The following STPG2 variants were observed in gnomAD, a reference collection of about 807,000 sequenced individuals.
STPG2 encodes sperm-tail PG-rich repeat-containing protein 2.
Under a neutral mutation model 54.2 loss-of-function variants are expected in STPG2, and 56 were observed. The ratio of observed to expected loss-of-function variants is 1.03; its 90% CI spans 0.83 to 1.29. The LOEUF (loss-of-function observed/expected upper bound fraction) is 1.29, where lower values mean the gene tolerates loss of function less well. Among genes scored for constraint, STPG2 ranks in the 50% most tolerant of loss-of-function variants. The pLI, the probability that STPG2 is intolerant of heterozygous loss-of-function variation, is 0.00. For missense variants in STPG2, 596 were observed against 544.9 expected, an observed-to-expected ratio of 1.09 and a Z score of -0.93; for synonymous variants, 200 against 181.8, an observed-to-expected ratio of 1.10 and a Z score of -0.81.
chr4:97,522,857 T>G (rs1731210035), intron 4 of STPG2, among the ~76,000 whole-genome samples: 1 of 152,008 alleles, frequency 6.6e-6, no homozygotes, highest in East Asian at 1.9e-4. Context: ...ATTGAATAAC[T>G]TAAACAAATT....
chr4:97,943,826 A>G (rs1179788972), intron 8 of STPG2, 71 bp downstream of exon 8: 2 of 1,163,882 alleles, frequency 1.7e-6, no homozygotes, highest in Non-Finnish European at 2.4e-6. Context: ...TCCTAATATA[A>G]TGTTTATGTT....
In STPG2 at chr4:97,634,132, C is replaced by A. The variant is rs567912081; in HGVS notation, c.1321-75015G>T. The stretch of plus-strand genomic sequence containing the variant: ...AGAGAGCAGGGGTTCTCCCAGTACA[C>A]AGCTGGAGATCTGAGAACGGGCAGA... On this transcript the variant is annotated intron_variant, in intron 10 of 10. Coordinates refer to ENST00000295268, the MANE Select transcript of STPG2 (RefSeq NM_174952.3). Among the ~76,000 whole-genome samples, 629 of 152,320 alleles carry A rather than the reference C, an allele frequency of 4.1e-3. 3 individuals are homozygous for A. Among genetic ancestry groups the A allele is most frequent in the South Asian group, 0.02 (98 of 4,830 alleles).
intron 4 of STPG2, among the ~76,000 whole-genome samples, chr4:97,521,584 A>G (rs1248741989): frequency 6.6e-6 from 1 of 152,094 alleles, no homozygotes; most frequent in Non-Finnish European, 1.5e-5. Flanking sequence ...AATGATAATG[A>G]AGACCCATTA....
At chr4:98,123,840 G>C (rs1739753874) in intron 3 of STPG2, among the ~76,000 whole-genome samples, 1 of 152,156 alleles carries the variant, frequency 6.6e-6, no homozygotes. Flanking sequence ...AGGTCTCTAA[G>C]AACTTGCTTT....
chr4:97,451,839 T>C (rs563790513), intron 4 of STPG2, among the ~76,000 whole-genome samples: 3 of 152,176 alleles, frequency 2.0e-5, no homozygotes, highest in Non-Finnish European at 4.4e-5. Flanking sequence ...AAATTACTAA[T>C]AAAATATGCA....
At chr4:97,902,335 C>G (rs780058204) in intron 8 of STPG2, among the ~76,000 whole-genome samples, 6 of 151,936 alleles carry the variant, frequency 3.9e-5, no homozygotes, top group Non-Finnish European at 8.8e-5. Context: ...TTCTGCGCTG[C>G]AAAGGAGACA....
rs747820207 is a variant in STPG2, at chr4:98,128,527, C to T, written c.288G>A (p.Lys96=). The change falls in exon 3 of 11, where the codon AAG becomes AAA. Residue 96 remains lysine, a synonymous_variant. Transcript: ENST00000295268. ...VDVPSIPSCG[K]SYGYHINDDG... ...CATCATTAATATGATAACCATATGA[C>T]TTTCCACAAGAAGGAATTGAAGGAA... 3.1e-6 allele frequency: 5 copies of T among 1,612,830 alleles called. No homozygotes were observed. The highest frequency in any genetic ancestry group is 4.2e-6 in the Non-Finnish European group (5 of 1,179,692).
intron 9 of STPG2, among the ~76,000 whole-genome samples, chr4:97,828,701 G>A (rs923204969): frequency 6.6e-6 from 1 of 152,148 alleles, no homozygotes; most frequent in African/African-American, 2.4e-5. Flanking sequence ...GCTCGAGCTT[G>A]ATCGCGGGAG....
chr4:97,717,724 TGTGG>T (rs1724334517), intron 9 of STPG2, among the ~76,000 whole-genome samples: 1 of 152,166 alleles, frequency 6.6e-6, no homozygotes, highest in South Asian at 2.1e-4. Flanking sequence ...CAGTCATAAA[TGTGG>T]GTGTAATACA....
chr4:97,757,703 C>A (rs767519096), intron 9 of STPG2, among the ~76,000 whole-genome samples: 10 of 152,232 alleles, frequency 6.6e-5, no homozygotes, highest in South Asian at 2.1e-4. Flanking sequence ...TATATTCATG[C>A]ATTATTAACG....
chr4:98,078,143 C>T (rs1738231380), intron 5 of STPG2, among the ~76,000 whole-genome samples: 1 of 152,102 alleles, frequency 6.6e-6, no homozygotes, highest in African/African-American at 2.4e-5. Flanking sequence ...AGAAAACATA[C>T]ATTTTTGAAC....
chr4:97,453,808 G>T (rs1319451100), intron 4 of STPG2, among the ~76,000 whole-genome samples: 4 of 151,992 alleles, frequency 2.6e-5, no homozygotes, highest in Non-Finnish European at 5.9e-5. Context: ...ACCACGCTCA[G>T]CACAAACTTA....
chr4:97,463,372 G>A (rs943973522), intron 4 of STPG2, among the ~76,000 whole-genome samples: 1 of 152,048 alleles, frequency 6.6e-6, no homozygotes, highest in Non-Finnish European at 1.5e-5. Flanking sequence ...TAGGTTTATA[G>A]AAAAGTAGTA....
chr4:97,498,634 T>A (rs373319505), intron 4 of STPG2, among the ~76,000 whole-genome samples: 1 of 150,810 alleles, frequency 6.6e-6, no homozygotes, highest in African/African-American at 2.4e-5. Context: ...AAAATAATGA[T>A]CTTGAAATCT....
In STPG2 at chr4:97,932,938, G is replaced by A. The variant is rs186376709; in HGVS notation, c.1044+10959C>T. On this transcript the variant is annotated intron_variant, in intron 8 of 10. Transcript: ENST00000295268. ...CCTGGTTCTAGATCATTAAGGAATC[G>A]CCACACTGTCTTCCACAATGGTTGA... Among the ~76,000 whole-genome samples the A allele has an allele frequency of 2.3e-3, 351 of 152,244 alleles. 1 individual carries two copies. Among genetic ancestry groups the A allele is most frequent in the African/African-American group, 7.7e-3 (322 of 41,554 alleles).
intron 9 of STPG2, among the ~76,000 whole-genome samples, chr4:97,840,226 A>C (rs1450538567): frequency 6.6e-6 from 1 of 151,602 alleles, no homozygotes; most frequent in Non-Finnish European, 1.5e-5. Flanking sequence ...CTTCTATATG[A>C]CTGATTTTCC....
At chr4:97,590,919 T>A (rs1733129109) in intron 10 of STPG2, among the ~76,000 whole-genome samples, 1 of 152,056 alleles carries the variant, frequency 6.6e-6, no homozygotes, top group African/African-American at 2.4e-5. Context: ...TTAAAATGCA[T>A]CAGGAAAATA....
chr4:97,902,823 T>C (rs996575208), intron 8 of STPG2, among the ~76,000 whole-genome samples: 1 of 152,154 alleles, frequency 6.6e-6, no homozygotes, highest in African/African-American at 2.4e-5. Flanking sequence ...AAAATCAGTA[T>C]GTTGAAGAGA....
At chr4:98,136,491 G>A (rs1473509940) in intron 1 of STPG2, among the ~76,000 whole-genome samples, 1 of 151,604 alleles carries the variant, frequency 6.6e-6, no homozygotes, top group African/African-American at 2.4e-5. Flanking sequence ...ATTGAATACT[G>A]TACTGAAAGT....
Sources: allele counts gnomAD v4.1 joint callset (sites outside exome capture counted in the v4.1 genomes callset), GRCh38; gene constraint gnomAD v4.1.1; transcripts MANE v1.5; gene names NCBI Gene and HGNC (gene_info 2026-07-23, HGNC 2026-07-21).